The following KANSL1 variants were observed in gnomAD, a reference collection of about 807,000 sequenced individuals.
KANSL1 encodes the protein MLL1/MLL complex subunit KANSL1.
In KANSL1, 22 loss-of-function variants were observed where a neutral mutation model predicts 103.6. That is an observed-to-expected ratio of 0.21 (90% CI 0.15 to 0.30). The LOEUF (loss-of-function observed/expected upper bound fraction) is 0.30, where lower values mean the gene tolerates loss of function less well. Among genes scored for constraint, KANSL1 ranks in the 10% least tolerant of loss-of-function variants. The probability of loss-of-function intolerance (pLI) is 1.00; values close to 1 mark genes in which losing one functional copy is unlikely to be tolerated. For synonymous variants in KANSL1, 600 were observed against 527.6 expected (o/e 1.14, Z -1.88); for missense variants, 1,337 against 1,399.8 (o/e 0.96, Z 0.72).
intron 2 of KANSL1, among the ~76,000 whole-genome samples, chr17:46,145,209 A>G (rs1183169251): frequency 6.6e-6 from 1 of 152,278 alleles, no homozygotes; most frequent in Non-Finnish European, 1.5e-5. Context: ...CTTTTCTAAT[A>G]TGACTTCAGA....
chr17:46,033,319 TC>T, intron 12 of KANSL1, 83 bp downstream of exon 12: 4 of 1,478,572 alleles, frequency 2.7e-6, no homozygotes, highest in Non-Finnish European at 2.8e-6. Flanking sequence ...CCACAAGTCT[TC>T]AGGCCATTTA....
intron 7 of KANSL1, among the ~76,000 whole-genome samples, chr17:46,047,161 C>G (rs768396407): frequency 2.0e-5 from 3 of 152,160 alleles, no homozygotes; most frequent in African/African-American, 7.2e-5. Flanking sequence ...CTTATCACAG[C>G]TAGGGGGTTT....
chr17:46,205,119 T>C (rs192080380), intron 1 of KANSL1, among the ~76,000 whole-genome samples: 100 of 152,014 alleles, frequency 6.6e-4, no homozygotes, highest in Non-Finnish European at 4.4e-5. Flanking sequence ...CCAGGGCAAA[T>C]AGGCAAGAAA....
intron 4 of KANSL1, among the ~76,000 whole-genome samples, chr17:46,072,349 T>C (rs2078609624): frequency 6.6e-6 from 1 of 152,148 alleles, no homozygotes. Context: ...CTGCTTGCAA[T>C]GTCATTTTTT....
intron 4 of KANSL1, among the ~76,000 whole-genome samples, chr17:46,079,803 C>T (rs2078916139): frequency 6.6e-6 from 1 of 152,114 alleles, no homozygotes; most frequent in Admixed American, 6.6e-5. Context: ...TTGGTAAAAC[C>T]CCATCTCTAC....
chr17:46,113,085 G>T (rs2147121388), intron 2 of KANSL1, among the ~76,000 whole-genome samples: 1 of 152,258 alleles, frequency 6.6e-6, no homozygotes, highest in African/African-American at 2.4e-5. Flanking sequence ...AAAGAAACTA[G>T]CAATGCCTGA....
chr17:46,089,620 G>C (rs983811873), intron 3 of KANSL1, among the ~76,000 whole-genome samples: 7 of 122,146 alleles, frequency 5.7e-5, no homozygotes, highest in African/African-American at 1.7e-4. Flanking sequence ...TCTTGGTGCA[G>C]CATGGAAAAT....
chr17:46,113,858 C>T (rs1184965842), intron 2 of KANSL1, among the ~76,000 whole-genome samples: 1 of 152,136 alleles, frequency 6.6e-6, no homozygotes, highest in East Asian at 1.9e-4. Flanking sequence ...CTTGATTAAG[C>T]CATGAGGCCA....
Position 46,094,707 on chromosome 17 carries a change from A to C in KANSL1, c.1290-6T>G. The C allele has an allele frequency of 6.2e-7, 1 of 1,614,194 alleles. No homozygotes were observed. The highest frequency in any genetic ancestry group is 8.5e-7 in the Non-Finnish European group (1 of 1,180,040). ...TCCATTCTGACCTGCGTCTCCTAAA[A>C]GGAAATAAACTGAGTGAAATCCAAG... On this transcript the variant is annotated splice_region_variant and splice_polypyrimidine_tract_variant and intron_variant, in intron 2 of 14. Coordinates refer to ENST00000432791, the MANE Select transcript of KANSL1 (RefSeq NM_015443.4).
chr17:46,190,403 C>T (rs2047257732), intron 1 of KANSL1, among the ~76,000 whole-genome samples: 1 of 152,238 alleles, frequency 6.6e-6, no homozygotes, highest in South Asian at 2.1e-4. Context: ...AATTTAACAT[C>T]TCACGTTGGT....
intron 2 of KANSL1, among the ~76,000 whole-genome samples, chr17:46,159,265 A>G (rs2045603950): frequency 6.6e-6 from 1 of 152,246 alleles, no homozygotes; most frequent in African/African-American, 2.4e-5. Flanking sequence ...TATTCTTCCA[A>G]AAAGTACAGT....
intron 1 of KANSL1, among the ~76,000 whole-genome samples, chr17:46,219,798 C>A (rs1184561920): frequency 1.3e-5 from 2 of 152,240 alleles, no homozygotes; most frequent in Non-Finnish European, 2.9e-5. Flanking sequence ...ATCCCCTCAA[C>A]CACTGTTCAA....
At chr17:46,138,681 C>G (rs867170605) in intron 2 of KANSL1, among the ~76,000 whole-genome samples, 1 of 152,242 alleles carries the variant, frequency 6.6e-6, no homozygotes, top group South Asian at 2.1e-4. Flanking sequence ...AACAGCACAT[C>G]TAGTTGTGTG....
intron 2 of KANSL1, among the ~76,000 whole-genome samples, chr17:46,138,623 T>C (rs1251877635): frequency 6.6e-6 from 1 of 152,220 alleles, no homozygotes; most frequent in Non-Finnish European, 1.5e-5. Context: ...TCCCAAACAT[T>C]TCACATCAGA....
intron 4 of KANSL1, among the ~76,000 whole-genome samples, chr17:46,079,279 A>G (rs753091387): frequency 6.6e-6 from 1 of 152,238 alleles, no homozygotes; most frequent in Admixed American, 6.5e-5. Flanking sequence ...GCAGATATAT[A>G]CTGGTTCTGT....
intron 2 of KANSL1, among the ~76,000 whole-genome samples, chr17:46,158,861 A>G (rs1161849765): frequency 6.6e-6 from 1 of 152,218 alleles, no homozygotes; most frequent in Non-Finnish European, 1.5e-5. Context: ...TTTCTGAAGC[A>G]TAACACTCCA....
chr17:46,186,498 G>A (rs1264229835), intron 1 of KANSL1, among the ~76,000 whole-genome samples: 1 of 152,032 alleles, frequency 6.6e-6, no homozygotes, highest in African/African-American at 2.4e-5. Context: ...GTCAATTAAT[G>A]ACTTTTAAAA....
chr17:46,200,634 C>G (rs1470848049), intron 1 of KANSL1, among the ~76,000 whole-genome samples: 2 of 152,048 alleles, frequency 1.3e-5, no homozygotes, highest in Admixed American at 1.3e-4. Flanking sequence ...CCCAGCTACT[C>G]GGGAGGCTGA....
At chr17:46,094,777 T>G in intron 2 of KANSL1, 76 bp from the exon 3 acceptor site, 1 of 1,569,534 alleles carries the variant, frequency 6.4e-7, no homozygotes, top group Non-Finnish European at 8.7e-7. Context: ...GGGAGTGGAA[T>G]TTAACTTTTA....
Sources: gnomAD v4.1 joint callset for allele counts (sites outside exome capture counted in the v4.1 genomes callset) on GRCh38, gnomAD v4.1.1 for gene constraint, MANE v1.5 for transcripts, NCBI Gene and HGNC (gene_info 2026-07-23, HGNC 2026-07-21) for gene names.